The following SNRNP200 variants were observed in gnomAD, a reference collection of about 807,000 sequenced individuals.
SNRNP200 encodes U5 small nuclear ribonucleoprotein 200 kDa helicase.
Under a neutral mutation model 255.2 loss-of-function variants are expected in SNRNP200, and 66 were observed. The observed-to-expected ratio is 0.26, with a 90% CI of 0.21 to 0.32. SNRNP200 has a LOEUF of 0.32. Ranked by LOEUF, SNRNP200 falls within the 10% of genes least tolerant of loss-of-function variation. SNRNP200 has a pLI of 1.00. For missense variants in SNRNP200, 1,585 were observed against 2,749.8 expected, an observed-to-expected ratio of 0.58 and a Z score of 9.47; for synonymous variants, 939 against 1,027.8, an observed-to-expected ratio of 0.91 and a Z score of 1.65.
intron 14 of SNRNP200, among the ~76,000 whole-genome samples, chr2:96,294,025 T>C (rs767027395): frequency 6.6e-6 from 1 of 152,010 alleles, no homozygotes; most frequent in African/African-American, 2.4e-5. Flanking sequence ...CAAGCTCCTA[T>C]TCCATGCTGC....
At position 96,274,345 on chromosome 2, in the gene SNRNP200, G is replaced by A. The variant is rs1684616401; in HGVS notation, c.*667C>T. 1 of 152,816 alleles carries A rather than the reference G, an allele frequency of 6.5e-6. No individual in the cohort carries two copies. Among genetic ancestry groups the A allele is most frequent in the South Asian group, 2.1e-4 (1 of 4,856 alleles). The allele number at this position is 152,816 out of a possible 1,614,324, so 9.5% of individuals were successfully genotyped here. A position where few individuals can be genotyped will look rare whatever the true frequency, so the allele number is the denominator to read the frequency against. On this transcript the variant is annotated 3_prime_UTR_variant, in exon 45 of 45. Coordinates refer to ENST00000323853, the MANE Select transcript of SNRNP200 (RefSeq NM_014014.5). ...GAAGACAGTCGGAAGATCTGGATTA[G>A]AAAACCTGTTTATTAAGACTGGGTC...
In SNRNP200 at chr2:96,288,905, G is replaced by C; in HGVS notation, c.3174+132C>G. On this transcript the variant is annotated intron_variant, in intron 23 of 44. Transcript: ENST00000323853. ...GTTATTTCATATAAAAAGAACATGC[G>C]AGAAGGCTGCAAAAACTAGGAGAAC... is the stretch of plus-strand genomic sequence containing the variant. 2.9e-6 allele frequency: 3 copies of C among 1,051,278 alleles called. No individual in the cohort carries two copies. The South Asian group carries it at 4.1e-5, about 14-fold the overall frequency. 65.1% of individuals were successfully genotyped at this position (1,051,278 alleles called of 1,614,324 possible). A position where few individuals can be genotyped will look rare whatever the true frequency, so the allele number is the denominator to read the frequency against.
At chr2:96,276,796 T>A (rs1169206200) in intron 43 of SNRNP200, 108 bp downstream of exon 43, 2 of 990,446 alleles carry the variant, frequency 2.0e-6, no homozygotes, top group Admixed American at 1.7e-5. Context: ...GTGAGCTGAT[T>A]ATCAGTCTAA....
chr2:96,283,463 A>T lies in SNRNP200; in HGVS notation c.4763+72T>A. On this transcript the variant is annotated intron_variant, in intron 33 of 44. Transcript: ENST00000323853. This position sits in a 1 kb window ranked among gnomAD's most constrained non-coding sequence, Gnocchi z 4.7. ...AACATGGGCTAACCCCACCCTCATA[A>T]AGAGGACACCCTTGGAGTAGGCCAG... 1 of 1,612,806 alleles carries T rather than the reference A, an allele frequency of 6.2e-7. No homozygotes were observed. Among genetic ancestry groups the T allele is most frequent in the Non-Finnish European group, 8.5e-7 (1 of 1,179,266 alleles).
At chr2:96,289,763 C>T in intron 21 of SNRNP200, 36 bp downstream of exon 21, 1 of 1,606,802 alleles carries the variant, frequency 6.2e-7, no homozygotes, top group Non-Finnish European at 8.5e-7. Context: ...ACAACTTTTG[C>T]TGAGACCTTT....
chr2:96,304,025 G>GC (rs1454995534), intron 2 of SNRNP200, among the ~76,000 whole-genome samples: 2 of 151,726 alleles, frequency 1.3e-5, no homozygotes, highest in African/African-American at 4.8e-5. Context: ...AGAATCTACT[G>GC]CCGTTGACTA....
At chr2:96,304,146 A>G (rs1017999274) in intron 2 of SNRNP200, among the ~76,000 whole-genome samples, 1 of 152,102 alleles carries the variant, frequency 6.6e-6, no homozygotes, top group Non-Finnish European at 1.5e-5. Flanking sequence ...GGAATTTTGG[A>G]AACTTCATCA....
At chr2:96,301,275 AC>A (rs1449572810) in intron 4 of SNRNP200, among the ~76,000 whole-genome samples, 4 of 152,148 alleles carry the variant, frequency 2.6e-5, no homozygotes, top group Non-Finnish European at 5.9e-5. Context: ...TGCTTGCTCA[AC>A]CACTTGAGCC....
Position 96,283,081 on chromosome 2 carries a change from A to T in SNRNP200, c.4915+120T>A. On this transcript the variant is annotated intron_variant, in intron 34 of 44. Coordinates refer to ENST00000323853, the MANE Select transcript of SNRNP200 (RefSeq NM_014014.5). The surrounding 1 kb of genome is among the most constrained non-coding windows in gnomAD (Gnocchi z 4.7). ...AATGAGTTAACAGCCAAGAGTCCTA[A>T]ACAGTATTTTGAAAATCTCTGGTAT... The T allele has an allele frequency of 7.5e-7, 1 of 1,325,654 alleles. No individual in the cohort carries two copies. The highest frequency in any genetic ancestry group is 1.7e-5 in the Admixed American group (1 of 59,204). 82.1% of individuals were successfully genotyped at this position (1,325,654 alleles called of 1,614,324 possible). A position where few individuals can be genotyped will look rare whatever the true frequency, so the allele number is the denominator to read the frequency against.
chr2:96,285,424 G>C (rs1410933386), intron 29 of SNRNP200, 84 bp from the exon 30 acceptor site: 34 of 1,483,264 alleles, frequency 2.3e-5, no homozygotes, highest in Non-Finnish European at 3.2e-5. Flanking sequence ...TCAAAACAAA[G>C]GACAACATAC....
rs2063885786 is a variant in SNRNP200, at chr2:96,291,802, C to T, written c.2259G>A (p.Arg753=). The change falls in exon 17 of 45, where the codon AGG becomes AGA. Residue 753 remains arginine, a synonymous_variant. Coordinates refer to ENST00000323853, the MANE Select transcript of SNRNP200 (RefSeq NM_014014.5). The surrounding 1 kb of genome is among the most constrained non-coding windows in gnomAD (Gnocchi z 4.2). ...LEKDTLGLFL[R]EGSASTEVLR... is the part of the protein sequence containing the mutation. ...GGACTTCTGTGGAGGCTGAGCCCTC[C>T]CTCAGAAACAGACCCAGAGTGTCCT... 1 of 1,614,188 alleles carries T rather than the reference C, an allele frequency of 6.2e-7. No homozygotes were observed. The highest frequency in any genetic ancestry group is 2.2e-5 in the East Asian group (1 of 44,888).
chr2:96,304,146 A>C (rs1017999274), intron 2 of SNRNP200, among the ~76,000 whole-genome samples: 1 of 152,102 alleles, frequency 6.6e-6, no homozygotes, highest in Non-Finnish European at 1.5e-5. Context: ...GGAATTTTGG[A>C]AACTTCATCA....
rs768619867 is a variant in SNRNP200 at position 96,295,537 on chromosome 2, C to A, written c.1793G>T (p.Arg598Leu). 2 of 1,613,510 alleles carry A rather than the reference C, an allele frequency of 1.2e-6. No individual in the cohort carries two copies. The highest frequency in any genetic ancestry group is 1.7e-6 in the Non-Finnish European group (2 of 1,179,964). ...CTPEKWDIITRKGGERTYTQL... is the reference protein window; with the variant it reads ...CTPEKWDIITLKGGERTYTQL... Reference sequence around the variant, plus strand: ...GGTGTAGGTGCGCTCACCACCCTTGCGGGTGATGATGTCCCACTTCTCGGG... The same window carrying A: ...GGTGTAGGTGCGCTCACCACCCTTGAGGGTGATGATGTCCCACTTCTCGGG... Residue 598 changes from arginine to leucine, a missense_variant, in exon 14 of 45, where the codon CGC becomes CTC. Physicochemically the swap from Arg to Leu is moderately radical, Grantham distance 102. Transcript: ENST00000323853.
Position 96,287,159 on chromosome 2 carries a change from C to A in SNRNP200, c.3486G>T (p.Gly1162=). The change falls in exon 27 of 45, where the codon GGG becomes GGT. Residue 1162 remains glycine (G), a splice_region_variant and synonymous_variant. Coordinates refer to ENST00000323853, the MANE Select transcript of SNRNP200 (RefSeq NM_014014.5). This position sits in a 1 kb window ranked among gnomAD's most constrained non-coding sequence, Gnocchi z 5.7. ...CCATCTTTGGCATGCGGATAAGCTC[C>A]CCTACAAGGAAATGAGAGTACTGAG... ...RLYDLNHNEI[G]ELIRMPKMGK... 1 of 1,614,192 alleles carries A rather than the reference C, an allele frequency of 6.2e-7. No individual in the cohort carries two copies. The highest frequency in any genetic ancestry group is 8.5e-7 in the Non-Finnish European group (1 of 1,180,032).
At chr2:96,299,104 G>T in intron 6 of SNRNP200, 137 bp from the exon 7 acceptor site, 1 of 1,163,402 alleles carries the variant, frequency 8.6e-7, no homozygotes, top group South Asian at 1.3e-5. Context: ...AAAAACTCTG[G>T]AATATTGAGT....
chr2:96,303,617 C>A (rs1307250336), intron 2 of SNRNP200, among the ~76,000 whole-genome samples: 1 of 152,182 alleles, frequency 6.6e-6, no homozygotes. Context: ...TGGCCAGGTG[C>A]AGTGGTTCAC....
chr2:96,279,467 C>A lies in SNRNP200; in HGVS notation c.5117G>T (p.Cys1706Phe). The A allele has an allele frequency of 1.2e-6, 2 of 1,613,640 alleles. No homozygotes were observed. Among genetic ancestry groups the A allele is most frequent in the Non-Finnish European group, 1.7e-6 (2 of 1,179,518 alleles). Residue 1706 changes from cysteine (C) to phenylalanine (F), a missense_variant, in exon 36 of 45, where the codon TGT (cysteine) becomes TTT (phenylalanine). Physicochemically the swap from Cys to Phe is radical, Grantham distance 205. Coordinates refer to ENST00000323853, the MANE Select transcript of SNRNP200 (RefSeq NM_014014.5). ...QDDEGRCVIM[C>F]QGSKKDFFKK... Reference sequence around the variant, plus strand: ...AGGACTGACCTTCTTGGAGCCCTGACACATGATGACACAGCGCCCCTCATC... The same window carrying A: ...AGGACTGACCTTCTTGGAGCCCTGAAACATGATGACACAGCGCCCCTCATC...
At chr2:96,279,060 C>A in intron 36 of SNRNP200, 62 bp from the exon 37 acceptor site, 1 of 1,370,702 alleles carries the variant, frequency 7.3e-7, no homozygotes. Context: ...CACAGAGGGC[C>A]AAGGGCAAAT....
Position 96,290,203 on chromosome 2 carries a change from T to C in SNRNP200, c.2742+123A>G, listed in dbSNP as rs1206752654. Reference sequence around the variant, plus strand: ...GGGGAACTATCTGCCAGACCCAAGATGTGGGTGCAGGGATGGAAGGCCTCG... The same window carrying C: ...GGGGAACTATCTGCCAGACCCAAGACGTGGGTGCAGGGATGGAAGGCCTCG... On this transcript the variant is annotated intron_variant, in intron 20 of 44. Transcript: ENST00000323853. This position sits in a 1 kb window ranked among gnomAD's most constrained non-coding sequence, Gnocchi z 4.5. 2.1e-5 allele frequency: 24 copies of C among 1,145,170 alleles called. No individual in the cohort carries two copies. The Middle Eastern group carries it at 1.1e-3, about 54-fold the overall frequency. 70.9% of individuals were successfully genotyped at this position (1,145,170 alleles called of 1,614,324 possible).
Sources: gnomAD v4.1 joint callset for allele counts (sites outside exome capture counted in the v4.1 genomes callset) on GRCh38, gnomAD v4.1.1 for gene constraint, Gnocchi (gnomAD v3.1) non-coding constraint, MANE v1.5 for transcripts, NCBI Gene and HGNC (gene_info 2026-07-23, HGNC 2026-07-21) for gene names.